Variants in ALK observed in about 807,000 individuals in gnomAD.
ALK encodes the protein ALK receptor tyrosine kinase, also known as ALK tyrosine kinase receptor.
A neutral mutation model predicts 163.1 loss-of-function variants in ALK; 74 were observed. That is an observed-to-expected ratio of 0.45 (90% CI 0.38 to 0.55). The LOEUF is 0.55. Ranked by LOEUF, ALK falls within the 20% of genes least tolerant of loss-of-function variation. The pLI is 0.00. For synonymous variants in ALK, 960 were observed against 843.2 expected (o/e 1.14, Z -2.40); for missense variants, 2,063 against 2,105.3 (o/e 0.98, Z 0.39).
intron 13 of ALK, among the ~76,000 whole-genome samples, chr2:29,234,192 G>C (rs957333695): frequency 6.6e-6 from 1 of 152,146 alleles, no homozygotes; most frequent in Non-Finnish European, 1.5e-5. Context: ...GGGATGAAGA[G>C]ATCCAAGAAA....
chr2:29,712,629 TG>T (rs913195073), intron 2 of ALK, among the ~76,000 whole-genome samples: 4 of 151,200 alleles, frequency 2.6e-5, no homozygotes, highest in Non-Finnish European at 5.9e-5. Context: ...TTTTTTTTTT[TG>T]AGAGAGAGAT....
At chr2:29,732,391 A>C (rs953760850) in intron 1 of ALK, among the ~76,000 whole-genome samples, 2 of 152,214 alleles carry the variant, frequency 1.3e-5, no homozygotes, top group African/African-American at 4.8e-5. Context: ...AGGGGGAGCC[A>C]AGAACTATTG....
chr2:29,773,884 GAGA>G (rs1681098281), intron 1 of ALK, among the ~76,000 whole-genome samples: 1 of 152,230 alleles, frequency 6.6e-6, no homozygotes, highest in Non-Finnish European at 1.5e-5. Flanking sequence ...CTTCTTTCAA[GAGA>G]AGGTCTTAGA....
In ALK at chr2:29,232,223, C is replaced by T. The variant is rs866223101; in HGVS notation, c.2632+81G>A. 4 of 1,579,974 alleles carry T rather than the reference C, an allele frequency of 2.5e-6. No individual in the cohort carries two copies. The African/African-American group carries it at 4.0e-5, about 16-fold the overall frequency. Reference sequence around the variant, plus strand: ...ATCCCAGGTGCCAGTGACTAAGATGCCCTCAGGCATGCGATGGCATCGGGG... The same window carrying T: ...ATCCCAGGTGCCAGTGACTAAGATGTCCTCAGGCATGCGATGGCATCGGGG... On this transcript the variant is annotated intron_variant, in intron 15 of 28. Transcript: ENST00000389048.
intron 1 of ALK, among the ~76,000 whole-genome samples, chr2:29,803,816 G>A (rs750397793): frequency 5.3e-5 from 8 of 152,144 alleles, no homozygotes; most frequent in African/African-American, 1.4e-4. Flanking sequence ...CCTTTGGTGC[G>A]TCATGCCTCA....
At chr2:29,245,878 A>C (rs1463309730) in intron 12 of ALK, among the ~76,000 whole-genome samples, 2 of 152,052 alleles carry the variant, frequency 1.3e-5, no homozygotes, top group African/African-American at 4.8e-5. Context: ...TGCACACAGT[A>C]GGGCTTCATG....
intron 1 of ALK, among the ~76,000 whole-genome samples, chr2:29,843,494 A>G (rs1665753999): frequency 6.6e-6 from 1 of 152,044 alleles, no homozygotes. Flanking sequence ...AAAGGACAGA[A>G]ATGTAAATGT....
intron 1 of ALK, among the ~76,000 whole-genome samples, chr2:29,778,260 G>C (rs550894474): frequency 4.4e-4 from 66 of 151,282 alleles, no homozygotes; most frequent in Admixed American, 2.0e-4. Context: ...CGAATCCAAT[G>C]CTGTTGATGG....
At chr2:29,562,887 C>G (rs1674067299) in intron 3 of ALK, among the ~76,000 whole-genome samples, 1 of 152,210 alleles carries the variant, frequency 6.6e-6, no homozygotes, top group Non-Finnish European at 1.5e-5. Flanking sequence ...AGGATTGGGT[C>G]TATCTTAAGT....
At chr2:29,790,263 C>A (rs116520556) in intron 1 of ALK, among the ~76,000 whole-genome samples, 1 of 151,894 alleles carries the variant, frequency 6.6e-6, no homozygotes, top group African/African-American at 2.4e-5. Context: ...TGGAGGGTGG[C>A]GGAGTGGAAA....
At chr2:29,324,901 A>G (rs1034446525) in intron 6 of ALK, among the ~76,000 whole-genome samples, 3 of 152,184 alleles carry the variant, frequency 2.0e-5, no homozygotes, top group Non-Finnish European at 4.4e-5. Flanking sequence ...ATGATTGGCT[A>G]GAAAAAGGCA....
At chr2:29,293,851 C>G (rs1470149520) in intron 9 of ALK, among the ~76,000 whole-genome samples, 1 of 152,246 alleles carries the variant, frequency 6.6e-6, no homozygotes, top group African/African-American at 2.4e-5. Flanking sequence ...ATTTCCAATA[C>G]CGTTGACTAG....
intron 3 of ALK, among the ~76,000 whole-genome samples, chr2:29,632,071 G>A (rs539835045): frequency 1.3e-5 from 2 of 152,284 alleles, no homozygotes; most frequent in South Asian, 2.1e-4. Context: ...ATGTGGGTCC[G>A]GATTCATCTC....
chr2:29,675,288 T>G (rs1051140397), intron 3 of ALK, among the ~76,000 whole-genome samples: 3 of 152,094 alleles, frequency 2.0e-5, no homozygotes, highest in Admixed American at 6.6e-5. Context: ...TCCTAATTAA[T>G]TTGGCCAGTT....
At chr2:29,366,136 C>T (rs552622003) in intron 5 of ALK, among the ~76,000 whole-genome samples, 31 of 152,196 alleles carry the variant, frequency 2.0e-4, no homozygotes, top group Non-Finnish European at 3.5e-4. Context: ...CTTTGAATAT[C>T]TGGAACCAAG....
intron 4 of ALK, among the ~76,000 whole-genome samples, chr2:29,390,471 G>T (rs1669139028): frequency 1.3e-5 from 2 of 151,972 alleles, no homozygotes. Context: ...TCTTTGCTAA[G>T]AATCTCTCTT....
chr2:29,521,099 A>G (rs1672799483), intron 4 of ALK, among the ~76,000 whole-genome samples: 1 of 152,214 alleles, frequency 6.6e-6, no homozygotes, highest in South Asian at 2.1e-4. Context: ...CCTGGATCAC[A>G]CAGTGGGGCT....
intron 3 of ALK, among the ~76,000 whole-genome samples, chr2:29,612,542 A>G (rs1471400647): frequency 1.3e-5 from 2 of 152,174 alleles, no homozygotes. Flanking sequence ...GAACCGTCCT[A>G]CCCAGAAGAG....
At chr2:29,889,602 G>A (rs1667084019) in intron 1 of ALK, among the ~76,000 whole-genome samples, 1 of 151,876 alleles carries the variant, frequency 6.6e-6, no homozygotes, top group East Asian at 1.9e-4. Context: ...AGAGACAGCA[G>A]GGGAAAACAC....
Sources: allele counts gnomAD v4.1 joint callset (sites outside exome capture counted in the v4.1 genomes callset), GRCh38; gene constraint gnomAD v4.1.1; transcripts MANE v1.5; gene names NCBI Gene and HGNC (gene_info 2026-07-23, HGNC 2026-07-21).